Variants in EPHA3 observed in about 807,000 individuals in gnomAD.
The protein encoded by EPHA3 is ephrin type-A receptor 3.
Under a neutral mutation model 107.1 loss-of-function variants are expected in EPHA3, and 42 were observed. The ratio of observed to expected loss-of-function variants is 0.39; its 90% CI spans 0.31 to 0.51. The LOEUF is 0.51. EPHA3 is among the 20% of genes least tolerant of loss of function. The pLI, the probability that EPHA3 is intolerant of heterozygous loss-of-function variation, is 0.78. For missense variants in EPHA3, 1,183 were observed against 1,211.2 expected (o/e 0.98, Z 0.35); for synonymous variants, 461 against 424.8 (o/e 1.09, Z -1.05).
chr3:89,374,154 T>A (rs971384195), intron 5 of EPHA3, among the ~76,000 whole-genome samples: 3 of 151,810 alleles, frequency 2.0e-5, no homozygotes, highest in Admixed American at 2.0e-4. Context: ...AATTGGCAAC[T>A]AGAATAAAAA....
intron 2 of EPHA3, among the ~76,000 whole-genome samples, chr3:89,181,075 A>G (rs1249060843): frequency 2.0e-5 from 3 of 152,008 alleles, no homozygotes; most frequent in African/African-American, 7.2e-5. Context: ...AAAAACACTC[A>G]TATTGTAATT....
intron 1 of EPHA3, among the ~76,000 whole-genome samples, chr3:89,125,236 TA>T (rs1308565307): frequency 6.6e-6 from 1 of 151,754 alleles, no homozygotes; most frequent in Admixed American, 6.6e-5. Flanking sequence ...ACATTGCAAA[TA>T]TAATCTAATA....
intron 5 of EPHA3, among the ~76,000 whole-genome samples, chr3:89,370,401 G>A (rs1379690478): frequency 2.8e-4 from 42 of 151,372 alleles, no homozygotes; most frequent in Admixed American, 1.1e-3. Flanking sequence ...GTAAACTATC[G>A]CAAGGACAAA....
chr3:89,447,035 G>T (rs1709889327), intron 13 of EPHA3, among the ~76,000 whole-genome samples: 1 of 152,146 alleles, frequency 6.6e-6, no homozygotes, highest in Admixed American at 6.5e-5. Context: ...TTGGCATCCT[G>T]AGTAGATTCT....
At chr3:89,147,695 T>C (rs1327262125) in intron 2 of EPHA3, among the ~76,000 whole-genome samples, 1 of 151,934 alleles carries the variant, frequency 6.6e-6, no homozygotes, top group African/African-American at 2.4e-5. Flanking sequence ...TGTATTTACA[T>C]TTAACCTGAC....
At chr3:89,309,000 G>C (rs1706699470) in intron 3 of EPHA3, among the ~76,000 whole-genome samples, 1 of 152,136 alleles carries the variant, frequency 6.6e-6, no homozygotes, top group African/African-American at 2.4e-5. Context: ...AAGTGTTCTA[G>C]AAGTTGGACA....
intron 2 of EPHA3, among the ~76,000 whole-genome samples, chr3:89,136,122 T>G (rs1576174835): frequency 6.6e-6 from 1 of 151,942 alleles, no homozygotes; most frequent in African/African-American, 2.4e-5. Context: ...GGATTCTGCC[T>G]TTATGAATCA....
At chr3:89,380,108 T>C (rs1363567993) in intron 5 of EPHA3, among the ~76,000 whole-genome samples, 1 of 152,168 alleles carries the variant, frequency 6.6e-6, no homozygotes. Flanking sequence ...GTGAATAATA[T>C]TTTGATGCAA....
At chr3:89,263,891 A>G (rs1164344053) in intron 3 of EPHA3, among the ~76,000 whole-genome samples, 2 of 151,994 alleles carry the variant, frequency 1.3e-5, no homozygotes, top group African/African-American at 2.4e-5. Context: ...TGTCCCTATC[A>G]CTATTTCCAA....
intron 7 of EPHA3, among the ~76,000 whole-genome samples, chr3:89,403,599 CAT>C (rs944951524): frequency 3.9e-5 from 6 of 152,098 alleles, no homozygotes; most frequent in Non-Finnish European, 7.4e-5. Context: ...GAAGTACAGA[CAT>C]TAGGGCATGT....
chr3:89,370,158 T>A (rs1410233631), intron 5 of EPHA3, among the ~76,000 whole-genome samples: 3 of 150,874 alleles, frequency 2.0e-5, no homozygotes, highest in African/African-American at 7.3e-5. Context: ...CATTACTGGG[T>A]ATATACCCAA....
intron 5 of EPHA3, among the ~76,000 whole-genome samples, chr3:89,363,868 A>AG (rs1390410777): frequency 6.6e-6 from 1 of 150,706 alleles, no homozygotes; most frequent in Non-Finnish European, 1.5e-5. Context: ...GTCTTTTTTT[A>AG]GGTTTTTCTT....
At chr3:89,468,572 G>A (rs1298483471) in intron 15 of EPHA3, among the ~76,000 whole-genome samples, 1 of 152,166 alleles carries the variant, frequency 6.6e-6, no homozygotes, top group East Asian at 1.9e-4. Context: ...CTTGACATAA[G>A]ATTCTGTGCT....
At chr3:89,274,456 G>C (rs578074756) in intron 3 of EPHA3, among the ~76,000 whole-genome samples, 64 of 151,980 alleles carry the variant, frequency 4.2e-4, no homozygotes, top group African/African-American at 1.5e-3. Flanking sequence ...AAGAGTAAGG[G>C]AAATTTATTT....
intron 5 of EPHA3, among the ~76,000 whole-genome samples, chr3:89,382,007 A>G (rs944023012): frequency 2.6e-5 from 4 of 152,066 alleles, no homozygotes; most frequent in African/African-American, 9.7e-5. Flanking sequence ...AAAGAGTGAG[A>G]AAAAAAATTA....
chr3:89,288,033 TG>T (rs1188063200), intron 3 of EPHA3, among the ~76,000 whole-genome samples: 1 of 152,090 alleles, frequency 6.6e-6, no homozygotes, highest in African/African-American at 2.4e-5. Flanking sequence ...TTATTTTTTT[TG>T]GAATAAAAAA....
At chr3:89,264,020 G>A (rs1246545483) in intron 3 of EPHA3, among the ~76,000 whole-genome samples, 1 of 152,030 alleles carries the variant, frequency 6.6e-6, no homozygotes, top group Non-Finnish European at 1.5e-5. Flanking sequence ...CATCCCATGT[G>A]CAACACAGCC....
chr3:89,184,548 A>G (rs1186731863), intron 2 of EPHA3, among the ~76,000 whole-genome samples: 1 of 152,088 alleles, frequency 6.6e-6, no homozygotes, highest in Non-Finnish European at 1.5e-5. Flanking sequence ...TTTTAAAATA[A>G]GCAAACACTG....
intron 3 of EPHA3, among the ~76,000 whole-genome samples, chr3:89,272,649 T>C (rs1285989781): frequency 1.3e-5 from 2 of 151,986 alleles, no homozygotes; most frequent in African/African-American, 4.8e-5. Context: ...AATTGCACTT[T>C]AAACTCCTCA....
Sources: gnomAD v4.1 joint callset for allele counts (sites outside exome capture counted in the v4.1 genomes callset) on GRCh38, gnomAD v4.1.1 for gene constraint, MANE v1.5 for transcripts, NCBI Gene and HGNC (gene_info 2026-07-23, HGNC 2026-07-21) for gene names.